SLC17A5: variants seen among roughly 807,000 people sequenced by gnomAD.
The protein encoded by SLC17A5 is sialin.
SLC17A5 carries 47 observed loss-of-function variants against 59.4 expected under a neutral mutation model. That is an observed-to-expected ratio of 0.79 (90% CI 0.63 to 1.01). The LOEUF is 1.01. SLC17A5 is among the 50% of genes least tolerant of loss of function. The pLI is 0.00. For missense variants in SLC17A5, 522 were observed against 595.5 expected, an observed-to-expected ratio of 0.88 and a Z score of 1.28; for synonymous variants, 202 against 210.7, an observed-to-expected ratio of 0.96 and a Z score of 0.36.
intron 10 of SLC17A5, among the ~76,000 whole-genome samples, chr6:73,596,795 G>A (rs552089387): frequency 6.6e-5 from 10 of 151,668 alleles, no homozygotes; most frequent in Admixed American, 1.3e-4. Context: ...GGTGGAGCTT[G>A]CAGTGAGGCT....
chr6:73,608,896 T>C (rs1012774858), intron 9 of SLC17A5, among the ~76,000 whole-genome samples: 5 of 152,166 alleles, frequency 3.3e-5, no homozygotes, highest in African/African-American at 1.2e-4. Context: ...GATGTATGCC[T>C]GCAGTCCCAG....
At chr6:73,633,512 G>A (rs10943115) in intron 6 of SLC17A5, among the ~76,000 whole-genome samples, 8,450 of 151,802 alleles carry the variant, frequency 0.056, 419 homozygotes, top group Admixed American at 0.16. Flanking sequence ...GATTACAGGC[G>A]TAAATCACCA....
chr6:73,627,649 G>T (rs558465640), intron 6 of SLC17A5, among the ~76,000 whole-genome samples: 89 of 147,740 alleles, frequency 6.0e-4, no homozygotes, highest in African/African-American at 2.1e-3. Context: ...TTTTTTTTGA[G>T]AAGGAATCTC....
In SLC17A5 at chr6:73,641,905, TCCCATTGGTACTTCTTA is replaced by T. The variant is rs1192927951; in HGVS notation, c.294_310del (p.Lys99CysfsTer90). 6 of 1,614,116 alleles carry T rather than the reference TCCCATTGGTACTTCTTA, an allele frequency of 3.7e-6. No individual in the cohort carries two copies. The highest frequency in any genetic ancestry group is 5.1e-6 in the Non-Finnish European group (6 of 1,179,964). On this transcript the variant is annotated frameshift_variant and splice_region_variant, in exon 3 of 11. Transcript: ENST00000355773. LOFTEE classifies it high-confidence loss of function. ...GAGAATCCATCCTTGAGTTTCTGCA[TCCCATTGGTACTTCTTA>T]CCCTACAAAAATCAGAAAAGAATAA...
intron 6 of SLC17A5, among the ~76,000 whole-genome samples, chr6:73,631,407 C>A (rs1404834637): frequency 6.6e-6 from 1 of 151,824 alleles, no homozygotes; most frequent in Non-Finnish European, 1.5e-5. Flanking sequence ...CTAATCACAG[C>A]TTTACCCCAC....
intron 3 of SLC17A5, among the ~76,000 whole-genome samples, chr6:73,640,910 A>G (rs1769245012): frequency 6.6e-6 from 1 of 152,208 alleles, no homozygotes; most frequent in African/African-American, 2.4e-5. Context: ...AAAATCATAA[A>G]ATATTTGTCT....
intron 9 of SLC17A5, among the ~76,000 whole-genome samples, chr6:73,608,305 A>G (rs1767488877): frequency 6.6e-6 from 1 of 152,186 alleles, no homozygotes; most frequent in Non-Finnish European, 1.5e-5. Flanking sequence ...TGGGTCAACC[A>G]AAATGAAGCC....
intron 4 of SLC17A5, among the ~76,000 whole-genome samples, chr6:73,637,561 T>C (rs987304127): frequency 6.6e-6 from 1 of 152,214 alleles, no homozygotes. Context: ...CCGGCTCTTA[T>C]CTCTTTCTCT....
At chr6:73,641,085 A>AT (rs981264301) in intron 3 of SLC17A5, among the ~76,000 whole-genome samples, 10 of 151,148 alleles carry the variant, frequency 6.6e-5, no homozygotes, top group South Asian at 2.1e-4. Flanking sequence ...AATCTTAACC[A>AT]TTTTTTTTTC....
Position 73,653,923 on chromosome 6 carries a change from G to T in SLC17A5, c.-37C>A. ...GAGCAGGTGTACTCGCCACCTGGCA[G>T]AGAAGGGAGCGCCGGCCCGACAGCC... On this transcript the variant is annotated 5_prime_UTR_variant, in exon 1 of 11. In the 5' UTR this introduces an upstream ATG that the reference lacks. Transcript: ENST00000355773. 6.5e-7 allele frequency: 1 copy of T among 1,549,684 alleles called. No homozygotes were observed. Among genetic ancestry groups the T allele is most frequent in the Non-Finnish European group, 8.8e-7 (1 of 1,139,372 alleles).
intron 6 of SLC17A5, among the ~76,000 whole-genome samples, chr6:73,624,908 G>A (rs1245113944): frequency 2.6e-5 from 4 of 151,952 alleles, no homozygotes; most frequent in Admixed American, 6.6e-5. Flanking sequence ...TTCAGATTGT[G>A]AGCCTCCCAC....
intron 5 of SLC17A5, among the ~76,000 whole-genome samples, chr6:73,636,283 G>GA (rs58330140): frequency 0.02 from 1,951 of 95,516 alleles, 13 homozygotes; most frequent in Non-Finnish European, 0.03. Context: ...TAAGTAAAAA[G>GA]AAAAAAAAAA....
At chr6:73,638,104 A>T (rs1303712911) in intron 4 of SLC17A5, among the ~76,000 whole-genome samples, 1 of 152,078 alleles carries the variant, frequency 6.6e-6, no homozygotes, top group East Asian at 1.9e-4. Flanking sequence ...AATAAAATTT[A>T]AAACCCCCAA....
At chr6:73,634,058 C>A (rs188669153) in intron 6 of SLC17A5, among the ~76,000 whole-genome samples, 6 of 152,066 alleles carry the variant, frequency 3.9e-5, no homozygotes, top group Admixed American at 2.6e-4. Context: ...TTATTCTACT[C>A]AAAAGGCAAA....
At chr6:73,623,845 G>A (rs1367579811) in intron 6 of SLC17A5, among the ~76,000 whole-genome samples, 7 of 151,678 alleles carry the variant, frequency 4.6e-5, no homozygotes, top group East Asian at 3.9e-4. Flanking sequence ...TCACAGGCAC[G>A]TGCCACCATG....
At chr6:73,610,599 T>C (rs775555985) in intron 8 of SLC17A5, 52 bp from the exon 9 acceptor site, 2 of 1,593,296 alleles carry the variant, frequency 1.3e-6, no homozygotes, top group East Asian at 4.5e-5. Context: ...TAATATTTGC[T>C]CTACCTTAAT....
At chr6:73,613,741 GTGTTT>G (rs758882172) in intron 8 of SLC17A5, among the ~76,000 whole-genome samples, 2 of 152,182 alleles carry the variant, frequency 1.3e-5, no homozygotes, top group African/African-American at 2.4e-5. Flanking sequence ...ATGCATCATA[GTGTTT>G]TGTTATGTGA....
chr6:73,638,810 A>AC (rs1463266884), intron 3 of SLC17A5, among the ~76,000 whole-genome samples: 2 of 152,010 alleles, frequency 1.3e-5, no homozygotes, highest in African/African-American at 4.8e-5. Flanking sequence ...TCTCTTAAAA[A>AC]AAAAAAGTAA....
intron 7 of SLC17A5, among the ~76,000 whole-genome samples, chr6:73,620,098 A>G (rs1272523531): frequency 6.6e-6 from 1 of 151,708 alleles, no homozygotes. Context: ...TAATTTTTAT[A>G]TTTTTAGTAG....
Sources: allele counts gnomAD v4.1 joint callset (sites outside exome capture counted in the v4.1 genomes callset), GRCh38; gene constraint gnomAD v4.1.1; transcripts MANE v1.5; gene names NCBI Gene and HGNC (gene_info 2026-07-23, HGNC 2026-07-21).